The following AFG2A variants were observed in gnomAD, a reference collection of about 807,000 sequenced individuals.
The protein encoded by AFG2A is ATPase family gene 2 protein homolog A.
chr4:123,051,161 CTTCTT>C, the AFG2A span, among the ~76,000 whole-genome samples: 27 of 151,498 alleles, frequency 1.8e-4, no homozygotes, highest in African/African-American at 6.1e-4. Context: ...TTATGTAACT[CTTCTT>C]TTCGTTTCCT....
the AFG2A span, among the ~76,000 whole-genome samples, chr4:123,234,673 C>A: frequency 6.6e-6 from 1 of 152,060 alleles, no homozygotes; most frequent in Non-Finnish European, 1.5e-5. Flanking sequence ...ATTTTAGATA[C>A]AAATTATTCT....
At chr4:122,952,506 C>T in the AFG2A span, among the ~76,000 whole-genome samples, 1 of 152,192 alleles carries the variant, frequency 6.6e-6, no homozygotes, top group Non-Finnish European at 1.5e-5. Context: ...TTTGGTGTCA[C>T]ACGATGTGAG....
chr4:123,097,468 A>G, the AFG2A span, among the ~76,000 whole-genome samples: 1 of 152,008 alleles, frequency 6.6e-6, no homozygotes, highest in Non-Finnish European at 1.5e-5. Flanking sequence ...AATCTTTCAC[A>G]TTGTTTATCA....
At chr4:122,965,124 G>C in the AFG2A span, among the ~76,000 whole-genome samples, 1 of 152,254 alleles carries the variant, frequency 6.6e-6, no homozygotes, top group East Asian at 1.9e-4. Context: ...AGATGTCCAA[G>C]TTTTATGTTA....
the AFG2A span, among the ~76,000 whole-genome samples, chr4:123,022,325 C>T: frequency 1.3e-5 from 2 of 152,060 alleles, no homozygotes; most frequent in Non-Finnish European, 2.9e-5. Flanking sequence ...TACAATGAAC[C>T]CAAACAAATT....
At chr4:123,030,487 A>G in the AFG2A span, among the ~76,000 whole-genome samples, 1 of 152,182 alleles carries the variant, frequency 6.6e-6, no homozygotes. Flanking sequence ...GCACACATTC[A>G]TTTATTTGAG....
the AFG2A span, chr4:122,979,117 C>T: frequency 4.0e-6 from 5 of 1,256,198 alleles, no homozygotes; most frequent in Admixed American, 7.6e-5. Context: ...CACGCCTCCC[C>T]CACTGCAGCC....
the AFG2A span, among the ~76,000 whole-genome samples, chr4:122,975,597 C>T: frequency 5.9e-5 from 9 of 152,016 alleles, no homozygotes; most frequent in East Asian, 1.9e-4. Flanking sequence ...TCAGTTTTCA[C>T]GGAGTGATAC....
At chr4:123,223,783 G>A in the AFG2A span, among the ~76,000 whole-genome samples, 6,590 of 152,254 alleles carry the variant, frequency 0.043, 482 homozygotes, top group African/African-American at 0.15. Flanking sequence ...TTTAAATTGA[G>A]TTGTAGGGGT....
At chr4:123,202,512 A>G in the AFG2A span, among the ~76,000 whole-genome samples, 2,827 of 152,260 alleles carry the variant, frequency 0.019, 57 homozygotes, top group South Asian at 0.1. Context: ...AAAATAGTAC[A>G]TAGTACCCCA....
At chr4:123,240,995 C>T in the AFG2A span, among the ~76,000 whole-genome samples, 1 of 152,182 alleles carries the variant, frequency 6.6e-6, no homozygotes, top group Non-Finnish European at 1.5e-5. Context: ...TCAGAGAATA[C>T]TATAAACACC....
At chr4:123,304,885 C>G in the AFG2A span, among the ~76,000 whole-genome samples, 1 of 152,160 alleles carries the variant, frequency 6.6e-6, no homozygotes, top group Non-Finnish European at 1.5e-5. Context: ...TTGGTCGCGT[C>G]TGATACTGTA....
At chr4:123,253,194 T>A in the AFG2A span, among the ~76,000 whole-genome samples, 20 of 151,546 alleles carry the variant, frequency 1.3e-4, no homozygotes, top group South Asian at 4.2e-4. Context: ...ACAAAAGAAA[T>A]AGCTGGGGCT....
the AFG2A span, among the ~76,000 whole-genome samples, chr4:123,213,038 G>GT: frequency 6.6e-6 from 1 of 152,088 alleles, no homozygotes; most frequent in East Asian, 1.9e-4. Flanking sequence ...CCTCAAAAGA[G>GT]TTTTTACTTG....
the AFG2A span, among the ~76,000 whole-genome samples, chr4:123,042,493 G>C: frequency 3.9e-5 from 6 of 152,126 alleles, no homozygotes; most frequent in Non-Finnish European, 7.3e-5. Context: ...ATTTGGGAGG[G>C]ACAAATTTGG....
At chr4:123,279,370 A>T in the AFG2A span, among the ~76,000 whole-genome samples, 3 of 151,936 alleles carry the variant, frequency 2.0e-5, no homozygotes, top group South Asian at 6.2e-4. Flanking sequence ...GGATCATGCC[A>T]CGGCACTCCA....
the AFG2A span, among the ~76,000 whole-genome samples, chr4:123,311,354 T>G: frequency 2.0e-5 from 3 of 151,922 alleles, no homozygotes; most frequent in Admixed American, 6.6e-5. Flanking sequence ...CAGGCTGGGC[T>G]CGGGGGCTCA....
At chr4:123,286,396 A>G in the AFG2A span, among the ~76,000 whole-genome samples, 4 of 152,204 alleles carry the variant, frequency 2.6e-5, no homozygotes, top group South Asian at 2.1e-4. Flanking sequence ...TAAAAGAACT[A>G]CTTTTGTATT....
At chr4:123,250,315 G>A in the AFG2A span, among the ~76,000 whole-genome samples, 1 of 152,126 alleles carries the variant, frequency 6.6e-6, no homozygotes, top group Non-Finnish European at 1.5e-5. Flanking sequence ...TTGATATAAA[G>A]GTCAGAAGAA....
Sources: allele counts gnomAD v4.1 joint callset (sites outside exome capture counted in the v4.1 genomes callset), GRCh38; gene constraint gnomAD v4.1.1; transcripts MANE v1.5; gene names NCBI Gene and HGNC (gene_info 2026-07-23, HGNC 2026-07-21).